Variants in NKD1 observed in about 807,000 individuals in gnomAD.
NKD1 encodes NKD inhibitor of Wnt signaling pathway 1.
In NKD1, 21 loss-of-function variants were observed where a neutral mutation model predicts 56.0. That is an observed-to-expected ratio of 0.38 (90% CI 0.27 to 0.54). NKD1 has a LOEUF of 0.54. Ranked by LOEUF, NKD1 falls within the 20% of genes least tolerant of loss-of-function variation. The probability of loss-of-function intolerance (pLI) is 0.82; values close to 1 mark genes in which losing one functional copy is unlikely to be tolerated. For missense variants in NKD1, 578 were observed against 642.7 expected (o/e 0.90, Z 1.09); for synonymous variants, 263 against 265.7 (o/e 0.99, Z 0.10).
At chr16:50,631,193 T>C (rs1245605960) in intron 8 of NKD1, among the ~76,000 whole-genome samples, 1 of 152,216 alleles carries the variant, frequency 6.6e-6, no homozygotes, top group Non-Finnish European at 1.5e-5. Flanking sequence ...TGTTGCTGTT[T>C]CTGCTGGGAG....
intron 3 of NKD1, among the ~76,000 whole-genome samples, chr16:50,562,715 C>T (rs943348995): frequency 6.6e-6 from 1 of 152,022 alleles, no homozygotes; most frequent in Non-Finnish European, 1.5e-5. Context: ...CGACTGGACC[C>T]TGAAGGAAAG....
Position 50,633,503 on chromosome 16 carries a change from T to A in NKD1, c.1135T>A (p.Ser379Thr). Residue 379 changes from serine (S) to threonine (T), a missense_variant, in exon 10 of 10, where the codon TCC becomes ACC. By Grantham distance (58) the Ser-to-Thr change is moderately conservative. Transcript: ENST00000268459. This position sits in a 1 kb window ranked among gnomAD's most constrained non-coding sequence, Gnocchi z 4.9. ...PPLGPAIPAV[S>T]PSAHLAASPA... ...TCTGGGACCCGCCATCCCTGCGGTG[T>A]CCCCCTCCGCCCACCTGGCTGCCAG... The A allele has an allele frequency of 1.2e-6, 2 of 1,609,712 alleles. No individual in the cohort carries two copies. Among genetic ancestry groups the A allele is most frequent in the Non-Finnish European group, 1.7e-6 (2 of 1,178,364 alleles).
intron 3 of NKD1, among the ~76,000 whole-genome samples, chr16:50,579,541 A>G (rs111565066): frequency 6.2e-5 from 5 of 80,256 alleles, no homozygotes; most frequent in African/African-American, 1.4e-4. Flanking sequence ...CGGGGTACCC[A>G]CTACACACGC....
At chr16:50,631,402 A>C (rs1423491772) in intron 8 of NKD1, among the ~76,000 whole-genome samples, 1 of 152,182 alleles carries the variant, frequency 6.6e-6, no homozygotes, top group Non-Finnish European at 1.5e-5. Flanking sequence ...GAAGGGAGGA[A>C]AGGAAAGAGA....
chr16:50,549,396 G>A (rs770185216), intron 2 of NKD1, 26 bp from the exon 3 acceptor site: 1 of 1,607,438 alleles, frequency 6.2e-7, no homozygotes, highest in Middle Eastern at 1.7e-4. Context: ...GCCAGACTCA[G>A]GGGCTTCATG....
At chr16:50,569,015 T>G (rs1280704635) in intron 3 of NKD1, among the ~76,000 whole-genome samples, 1 of 152,220 alleles carries the variant, frequency 6.6e-6, no homozygotes, top group Non-Finnish European at 1.5e-5. Context: ...CCACCTTCCC[T>G]TCATTATTTA....
rs1961521705 is a variant in NKD1 at position 50,598,299 on chromosome 16, T to G, written c.193-9995T>G. ...TGTGCTCATGGACACTCTTGTCCTGTCCGTAAAATGAGGCCTCAGGGTATA... is the reference window on the plus strand; with the variant it reads ...TGTGCTCATGGACACTCTTGTCCTGGCCGTAAAATGAGGCCTCAGGGTATA... On this transcript the variant is annotated intron_variant, in intron 3 of 9. Coordinates refer to ENST00000268459, the MANE Select transcript of NKD1 (RefSeq NM_033119.5). This position sits in a 1 kb window ranked among gnomAD's most constrained non-coding sequence, Gnocchi z 4.2. Among the ~76,000 whole-genome samples, 1 of 151,528 alleles carries G rather than the reference T, an allele frequency of 6.6e-6. No homozygotes were observed. The highest frequency in any genetic ancestry group is 2.1e-4 in the South Asian group (1 of 4,812).
intron 6 of NKD1, among the ~76,000 whole-genome samples, chr16:50,628,966 T>TA (rs1962283493): frequency 6.6e-6 from 1 of 150,964 alleles, no homozygotes; most frequent in Non-Finnish European, 1.5e-5. Context: ...CTTTTTTTTT[T>TA]TTTTTTATTT....
rs1451241752 is a variant in NKD1 at position 50,623,901 on chromosome 16, C to T, written c.367-1584C>T. ...GTATGTAGGCACGTGTGTCATGCCA[C>T]ATGAACAGTGCCTCAGAGAGCAATG... On this transcript the variant is annotated intron_variant, in intron 5 of 9. Coordinates refer to ENST00000268459, the MANE Select transcript of NKD1 (RefSeq NM_033119.5). This position sits in a 1 kb window ranked among gnomAD's most constrained non-coding sequence, Gnocchi z 4.1. 6.6e-6 allele frequency among the ~76,000 whole-genome samples: 1 copy of T among 151,928 alleles called. No homozygotes were observed. Among genetic ancestry groups the T allele is most frequent in the Non-Finnish European group, 1.5e-5 (1 of 67,986 alleles).
At chr16:50,549,827 A>T (rs1960337721) in intron 3 of NKD1, among the ~76,000 whole-genome samples, 1 of 152,098 alleles carries the variant, frequency 6.6e-6, no homozygotes, top group Admixed American at 6.5e-5. Context: ...TCGTGTCTGT[A>T]CCGGCGGGAT....
intron 3 of NKD1, chr16:50,608,052 G>A: frequency 1.9e-6 from 1 of 519,886 alleles, no homozygotes; most frequent in South Asian, 2.2e-5. Flanking sequence ...AGGCATGATG[G>A]AAGACCCAGT....
chr16:50,596,352 G>A (rs1177488343), intron 3 of NKD1, among the ~76,000 whole-genome samples: 2 of 151,350 alleles, frequency 1.3e-5, no homozygotes, highest in Non-Finnish European at 2.9e-5. Flanking sequence ...CAACTTGGGT[G>A]CCCATTTTTG....
Position 50,564,314 on chromosome 16 carries a change from C to T in NKD1, c.192+14759C>T, listed in dbSNP as rs1375077702. Among the ~76,000 whole-genome samples, 9 of 152,346 alleles carry T rather than the reference C, an allele frequency of 5.9e-5. No individual in the cohort carries two copies. In the South Asian group the frequency reaches 1.0e-3, roughly 18 times the overall value. ...GGTTCTGCTCAGCAGCTGCTACTGG[C>T]GTCTCGTCCTCTTGGCTCTGGGTCT... On this transcript the variant is annotated intron_variant, in intron 3 of 9. Transcript: ENST00000268459.
At chr16:50,549,346 C>T in intron 2 of NKD1, 76 bp from the exon 3 acceptor site, 3 of 1,550,498 alleles carry the variant, frequency 1.9e-6, no homozygotes, top group East Asian at 2.3e-5. Flanking sequence ...CCCACCGCGC[C>T]TCCTTCTTCC....
intron 3 of NKD1, chr16:50,558,402 G>T (rs1307529747): frequency 6.6e-6 from 1 of 152,184 alleles, no homozygotes; most frequent in East Asian, 1.9e-4. Context: ...AACTGCCTTA[G>T]GTATTATTCC....
chr16:50,618,626 G>A (rs1437997529), intron 4 of NKD1, among the ~76,000 whole-genome samples: 2 of 152,242 alleles, frequency 1.3e-5, no homozygotes, highest in African/African-American at 4.8e-5. Context: ...GACAATAAGA[G>A]GGTGAACGAC....
At position 50,598,988 on chromosome 16, in the gene NKD1, G is replaced by T. The variant is rs1961537226; in HGVS notation, c.193-9306G>T. 6.6e-6 allele frequency among the ~76,000 whole-genome samples: 1 copy of T among 151,992 alleles called. No individual in the cohort carries two copies. Among genetic ancestry groups the T allele is most frequent in the Non-Finnish European group, 1.5e-5 (1 of 67,988 alleles). ...GGGCAGTGGCTTAGAGAGGTCAGTG[G>T]TGGGTGGGAAGGCCGTGTGTGTGTG... On this transcript the variant is annotated intron_variant, in intron 3 of 9. Coordinates refer to ENST00000268459, the MANE Select transcript of NKD1 (RefSeq NM_033119.5). The surrounding 1 kb of genome is among the most constrained non-coding windows in gnomAD (Gnocchi z 4.2).
Position 50,646,022 on chromosome 16 carries a change from A to G in NKD1, c.*12241A>G, listed in dbSNP as rs1291630838. The G allele has an allele frequency of 6.9e-6, 1 of 144,666 alleles. No individual in the cohort carries two copies. Among genetic ancestry groups the G allele is most frequent in the Non-Finnish European group, 1.5e-5 (1 of 67,090 alleles). 9.0% of individuals were successfully genotyped at this position (144,666 alleles called of 1,614,324 possible). A position where few individuals can be genotyped will look rare whatever the true frequency, so the allele number is the denominator to read the frequency against. On this transcript the variant is annotated 3_prime_UTR_variant, in exon 10 of 10. Transcript: ENST00000268459. ...GGATTTAAAAGGCCCCTATGTTCCC[A>G]CTTTGTGCTTTGCTTCTAACAGACA... is the stretch of plus-strand genomic sequence containing the variant.
chr16:50,576,643 G>A (rs1331080304), intron 3 of NKD1, among the ~76,000 whole-genome samples: 1 of 151,998 alleles, frequency 6.6e-6, no homozygotes, highest in Non-Finnish European at 1.5e-5. Context: ...TGGCTTTTAC[G>A]GTGGTGATGA....
Sources: gnomAD v4.1 joint callset for allele counts (sites outside exome capture counted in the v4.1 genomes callset) on GRCh38, gnomAD v4.1.1 for gene constraint, Gnocchi (gnomAD v3.1) non-coding constraint, MANE v1.5 for transcripts, NCBI Gene and HGNC (gene_info 2026-07-23, HGNC 2026-07-21) for gene names.